The following ENTREP2 variants were observed in gnomAD, a reference collection of about 807,000 sequenced individuals.
The protein encoded by ENTREP2 is protein ENTREP2.
At chr15:29,422,558 C>T in the ENTREP2 span, among the ~76,000 whole-genome samples, 14 of 152,220 alleles carry the variant, frequency 9.2e-5, no homozygotes, top group Non-Finnish European at 2.9e-5. Context: ...TACAAGACAA[C>T]TATCCCAGTG....
the ENTREP2 span, among the ~76,000 whole-genome samples, chr15:29,517,708 C>T: frequency 6.6e-6 from 1 of 152,078 alleles, no homozygotes; most frequent in African/African-American, 2.4e-5. Context: ...AGCGTGATGT[C>T]GAAGTCCCGC....
At chr15:29,274,990 T>C in the ENTREP2 span, among the ~76,000 whole-genome samples, 2 of 152,212 alleles carry the variant, frequency 1.3e-5, no homozygotes, top group Non-Finnish European at 2.9e-5. Flanking sequence ...TGAATCCCCA[T>C]TGAGTAATGT....
At chr15:29,546,144 G>A in the ENTREP2 span, among the ~76,000 whole-genome samples, 1 of 152,136 alleles carries the variant, frequency 6.6e-6, no homozygotes, top group Admixed American at 6.6e-5. Flanking sequence ...CTTTATGTTG[G>A]ACACTCAAAA....
chr15:29,221,217 T>C, the ENTREP2 span, among the ~76,000 whole-genome samples: 1 of 152,044 alleles, frequency 6.6e-6, no homozygotes, highest in African/African-American at 2.4e-5. Flanking sequence ...TTTTTTTTTT[T>C]TTGAGACGGA....
the ENTREP2 span, among the ~76,000 whole-genome samples, chr15:29,270,858 CTG>C: frequency 1.3e-5 from 2 of 152,184 alleles, no homozygotes; most frequent in South Asian, 4.1e-4. Context: ...CTGAATTTCC[CTG>C]TGTCTTTTTA....
the ENTREP2 span, among the ~76,000 whole-genome samples, chr15:29,211,151 G>A: frequency 2.0e-5 from 3 of 152,088 alleles, no homozygotes; most frequent in East Asian, 1.9e-4. Context: ...CTTTTACTAC[G>A]AAGATTTCTG....
chr15:29,222,949 T>C, the ENTREP2 span, among the ~76,000 whole-genome samples: 1 of 152,248 alleles, frequency 6.6e-6, no homozygotes, highest in Non-Finnish European at 1.5e-5. Context: ...TTCAGAGCTA[T>C]ACAGGAGAAA....
the ENTREP2 span, among the ~76,000 whole-genome samples, chr15:29,663,595 C>T: frequency 6.6e-6 from 1 of 152,096 alleles, no homozygotes; most frequent in Non-Finnish European, 1.5e-5. Context: ...CCATCATTCT[C>T]AGCAAACCAT....
chr15:29,222,978 G>A, the ENTREP2 span, among the ~76,000 whole-genome samples: 594 of 152,300 alleles, frequency 3.9e-3, 2 homozygotes, highest in African/African-American at 0.014. Flanking sequence ...TAGCAGTGTC[G>A]TGTGTTTCCA....
At chr15:29,596,727 G>GT in the ENTREP2 span, among the ~76,000 whole-genome samples, 5 of 151,544 alleles carry the variant, frequency 3.3e-5, no homozygotes, top group African/African-American at 7.3e-5. Context: ...GAGTGCAGTG[G>GT]TATGATCTCA....
At chr15:29,350,895 T>C in the ENTREP2 span, among the ~76,000 whole-genome samples, 2 of 152,172 alleles carry the variant, frequency 1.3e-5, no homozygotes, top group African/African-American at 4.8e-5. Flanking sequence ...TGAGCCAAGA[T>C]CACGCCACTG....
chr15:29,210,215 T>C, the ENTREP2 span, among the ~76,000 whole-genome samples: 1 of 152,162 alleles, frequency 6.6e-6, no homozygotes, highest in East Asian at 1.9e-4. Context: ...CCCTAAATCA[T>C]CCCAGGGCCA....
At chr15:29,389,909 C>T in the ENTREP2 span, among the ~76,000 whole-genome samples, 1 of 152,146 alleles carries the variant, frequency 6.6e-6, no homozygotes, top group African/African-American at 2.4e-5. Context: ...TCACTCCCCC[C>T]ACCCCTCCCT....
the ENTREP2 span, among the ~76,000 whole-genome samples, chr15:29,158,884 G>T: frequency 2.6e-5 from 4 of 152,098 alleles, no homozygotes; most frequent in East Asian, 3.8e-4. Flanking sequence ...TAGATACTTG[G>T]GCAAAGCTAC....
the ENTREP2 span, among the ~76,000 whole-genome samples, chr15:29,180,909 A>G: frequency 2.6e-5 from 4 of 151,966 alleles, no homozygotes; most frequent in African/African-American, 9.7e-5. Flanking sequence ...ATACATCGAG[A>G]GAAGTGAGAA....
the ENTREP2 span, among the ~76,000 whole-genome samples, chr15:29,624,128 G>A: frequency 1.2e-3 from 176 of 152,252 alleles, no homozygotes; most frequent in African/African-American, 3.9e-3. Flanking sequence ...TGGTACTTTC[G>A]ACTTGGTTTA....
chr15:29,459,550 T>C, the ENTREP2 span, among the ~76,000 whole-genome samples: 24 of 152,340 alleles, frequency 1.6e-4, no homozygotes, highest in East Asian at 3.5e-3. Context: ...CATGATGTTA[T>C]ATAAAGATTA....
the ENTREP2 span, among the ~76,000 whole-genome samples, chr15:29,598,387 C>T: frequency 6.6e-6 from 1 of 152,116 alleles, no homozygotes; most frequent in Non-Finnish European, 1.5e-5. Flanking sequence ...TCATTTTGGG[C>T]CAATGCCCAT....
the ENTREP2 span, among the ~76,000 whole-genome samples, chr15:29,531,109 A>G: frequency 6.6e-6 from 1 of 152,188 alleles, no homozygotes. Context: ...AGCCTCAGGT[A>G]GGCTGTGTTC....
Sources: allele counts gnomAD v4.1 joint callset (sites outside exome capture counted in the v4.1 genomes callset), GRCh38; gene constraint gnomAD v4.1.1; transcripts MANE v1.5; gene names NCBI Gene and HGNC (gene_info 2026-07-23, HGNC 2026-07-21).